VPS13D: variants seen among roughly 807,000 people sequenced by gnomAD.
VPS13D encodes vacuolar protein sorting 13 homolog D.
A neutral mutation model predicts 461.9 loss-of-function variants in VPS13D; 187 were observed. That is an observed-to-expected ratio of 0.40 (90% CI 0.36 to 0.46). The LOEUF is 0.46. Among genes scored for constraint, VPS13D ranks in the 20% least tolerant of loss-of-function variants. VPS13D has a pLI of 0.60. For missense variants in VPS13D, 4,711 were observed against 5,364.9 expected (o/e 0.88, Z 3.81); for synonymous variants, 1,951 against 1,986.3 (o/e 0.98, Z 0.47).
At chr1:12,347,623 C>G (rs977507851) in intron 44 of VPS13D, among the ~76,000 whole-genome samples, 1 of 152,126 alleles carries the variant, frequency 6.6e-6, no homozygotes, top group Non-Finnish European at 1.5e-5. Flanking sequence ...GTTTGGACTT[C>G]CTAGAAGTCT....
chr1:12,411,054 A>G (rs1480398347), intron 63 of VPS13D, among the ~76,000 whole-genome samples: 1 of 152,238 alleles, frequency 6.6e-6, no homozygotes, highest in Non-Finnish European at 1.5e-5. Flanking sequence ...TAAAGGAAAG[A>G]TACCCATTAT....
At chr1:12,376,544 C>T (rs1476700742) in intron 55 of VPS13D, among the ~76,000 whole-genome samples, 2 of 152,198 alleles carry the variant, frequency 1.3e-5, no homozygotes, top group Non-Finnish European at 2.9e-5. Context: ...CAATTTTTCT[C>T]GTTGACAGAT....
chr1:12,283,158 A>T lies in VPS13D; in HGVS notation c.5056A>T (p.Lys1686Ter), dbSNP rs1235064266. ...GGAGAAGAATCCAGATTCTAAATAT[A>T]AGAACCTGATGGTGTCTCGAGGAGC... Reference protein sequence around the residue: ...LLEKNPDSKYKNLMVSRGAPK... With the variant: ...LLEKNPDSKY Residue 1686 changes from lysine (K) to a stop codon, truncating the protein, a stop_gained, in exon 21 of 70, where the codon AAG (lysine) becomes TAG (stop). Coordinates refer to ENST00000620676, the MANE Select transcript of VPS13D (RefSeq NM_015378.4). LOFTEE classifies it high-confidence loss of function. 6.2e-7 allele frequency: 1 copy of T among 1,614,178 alleles called. No individual in the cohort carries two copies. The highest frequency in any genetic ancestry group is 1.7e-5 in the Admixed American group (1 of 60,020).
rs1326735529 is a variant in VPS13D at position 12,473,236 on chromosome 1, C to T, written c.12662+12840C>T. On this transcript the variant is annotated intron_variant, in intron 67 of 69. Coordinates refer to ENST00000620676, the MANE Select transcript of VPS13D (RefSeq NM_015378.4). The surrounding 1 kb of genome is among the most constrained non-coding windows in gnomAD (Gnocchi z 4.2). ...TCTTGACACTCCAAGGGCAAGAGGT[C>T]TTTCTTCAAAGAGAAGCGCTTGTTT... Among the ~76,000 whole-genome samples, 1 of 152,110 alleles carries T rather than the reference C, an allele frequency of 6.6e-6. No individual in the cohort carries two copies. Among genetic ancestry groups the T allele is most frequent in the Non-Finnish European group, 1.5e-5 (1 of 68,028 alleles).
chr1:12,266,003 T>A (rs570925872), intron 13 of VPS13D, among the ~76,000 whole-genome samples: 15 of 149,652 alleles, frequency 1.0e-4, no homozygotes, highest in African/African-American at 3.7e-4. Context: ...TACTAAAAAT[T>A]AAAAAAAAAA....
At chr1:12,407,146 T>C (rs1390292301) in intron 63 of VPS13D, 1 of 152,218 alleles carries the variant, frequency 6.6e-6, no homozygotes, top group Non-Finnish European at 1.5e-5. Flanking sequence ...GAGGGAAATA[T>C]CCCTGTAGTT....
chr1:12,290,258 A>G (rs896419817), intron 22 of VPS13D, among the ~76,000 whole-genome samples: 6 of 152,156 alleles, frequency 3.9e-5, no homozygotes, highest in African/African-American at 1.2e-4. Flanking sequence ...ATTAAATCAT[A>G]CTAAAACATG....
At chr1:12,433,978 A>C (rs1178664393) in intron 65 of VPS13D, among the ~76,000 whole-genome samples, 2 of 145,486 alleles carry the variant, frequency 1.4e-5, no homozygotes, top group Non-Finnish European at 3.0e-5. Context: ...GTGGAGGAGG[A>C]GGAGGAGGAA....
intron 3 of VPS13D, among the ~76,000 whole-genome samples, chr1:12,243,390 C>G (rs1640443693): frequency 6.6e-6 from 1 of 152,208 alleles, no homozygotes; most frequent in South Asian, 2.1e-4. Flanking sequence ...TCAGCTTCCC[C>G]AGCTATTAGT....
At position 12,448,523 on chromosome 1, in the gene VPS13D, C is replaced by T. The variant is rs187098346; in HGVS notation, c.12334-7475C>T. ...TGGCATTTTCAACATAAGCATACCC[C>T]CCTTCTGCCAAAAAGTCCTACACTG... On this transcript the variant is annotated intron_variant, in intron 65 of 69. Coordinates refer to ENST00000620676, the MANE Select transcript of VPS13D (RefSeq NM_015378.4). Among the ~76,000 whole-genome samples, 12 of 152,232 alleles carry T rather than the reference C, an allele frequency of 7.9e-5. No homozygotes were observed. In the East Asian group the frequency reaches 2.3e-3, roughly 29 times the overall value.
intron 67 of VPS13D, among the ~76,000 whole-genome samples, chr1:12,469,324 CTAA>C (rs1557459118): frequency 3.3e-5 from 5 of 152,262 alleles, no homozygotes; most frequent in African/African-American, 1.2e-4. Context: ...ATAGTATTCT[CTAA>C]TGAGTATACA....
At chr1:12,306,980 G>A (rs995108685) in intron 26 of VPS13D, among the ~76,000 whole-genome samples, 1 of 152,166 alleles carries the variant, frequency 6.6e-6, no homozygotes, top group African/African-American at 2.4e-5. Flanking sequence ...GTGGCCTGGG[G>A]ATTTGGGACC....
At chr1:12,364,666 GC>G (rs563770171) in intron 52 of VPS13D, among the ~76,000 whole-genome samples, 8 of 152,156 alleles carry the variant, frequency 5.3e-5, no homozygotes, top group Non-Finnish European at 7.3e-5. Flanking sequence ...TTTGACACAA[GC>G]CTTAAGTGAT....
rs777278757 is a variant in VPS13D, at chr1:12,349,277, G to C, written c.9334G>C (p.Ala3112Pro). The C allele has an allele frequency of 6.2e-7, 1 of 1,614,012 alleles. No homozygotes were observed. Among genetic ancestry groups the C allele is most frequent in the Admixed American group, 1.7e-5 (1 of 59,988 alleles). Residue 3112 changes from alanine (A) to proline (P), a missense_variant, in exon 46 of 70, where the codon GCT becomes CCT. Coordinates refer to ENST00000620676, the MANE Select transcript of VPS13D (RefSeq NM_015378.4). ...PKGLGVFFCK[A>P]PIHWTNVVKT... Reference sequence around the variant, plus strand: ...AGGATTGGGTGTATTTTTCTGTAAGGCTCCCATTCATTGGACCAATGTAGT... The same window carrying C: ...AGGATTGGGTGTATTTTTCTGTAAGCCTCCCATTCATTGGACCAATGTAGT...
chr1:12,352,175 C>T (rs947383267), intron 46 of VPS13D, among the ~76,000 whole-genome samples: 2 of 151,876 alleles, frequency 1.3e-5, no homozygotes, highest in Non-Finnish European at 2.9e-5. Flanking sequence ...CCTGTAATCC[C>T]AGCTACTCCA....
At chr1:12,430,119 T>C (rs1305271938) in intron 65 of VPS13D, among the ~76,000 whole-genome samples, 1 of 152,188 alleles carries the variant, frequency 6.6e-6, no homozygotes, top group Non-Finnish European at 1.5e-5. Context: ...ATTGTGGCCA[T>C]TGAGGTAATT....
In VPS13D at chr1:12,507,117, C is replaced by T; in HGVS notation, c.13035+24C>T. ...TGGTGAGTGCCTGGCTGTTCTCAGGCTCCTGAGGGGCGGGGCCAGGGCCTC... is the reference window on the plus strand; with the variant it reads ...TGGTGAGTGCCTGGCTGTTCTCAGGTTCCTGAGGGGCGGGGCCAGGGCCTC... On this transcript the variant is annotated intron_variant, in intron 69 of 69. Coordinates refer to ENST00000620676, the MANE Select transcript of VPS13D (RefSeq NM_015378.4). This position sits in a 1 kb window ranked among gnomAD's most constrained non-coding sequence, Gnocchi z 5.3. The T allele has an allele frequency of 6.2e-7, 1 of 1,613,338 alleles. No homozygotes were observed. Among genetic ancestry groups the T allele is most frequent in the Non-Finnish European group, 8.5e-7 (1 of 1,179,508 alleles).
In VPS13D at chr1:12,306,433, C is replaced by T. The variant is rs372454358; in HGVS notation, c.6439+1705C>T. On this transcript the variant is annotated intron_variant, in intron 26 of 69. Transcript: ENST00000620676. ...GAGGGGGCTGCACCTGAGGGCCACT[C>T]GGCATATGGTGCTTGCCGCCACTGA... Among the ~76,000 whole-genome samples, 115 of 152,300 alleles carry T rather than the reference C, an allele frequency of 7.6e-4. 3 individuals carry two copies. Among genetic ancestry groups the T allele is most frequent in the South Asian group, 2.3e-3 (11 of 4,828 alleles).
At chr1:12,348,527 G>A (rs1386208838) in intron 44 of VPS13D, among the ~76,000 whole-genome samples, 1 of 152,128 alleles carries the variant, frequency 6.6e-6, no homozygotes, top group African/African-American at 2.4e-5. Context: ...TCAGGTGAAT[G>A]TTTTTAATAA....
Sources: gnomAD v4.1 joint callset for allele counts (sites outside exome capture counted in the v4.1 genomes callset) on GRCh38, gnomAD v4.1.1 for gene constraint, Gnocchi (gnomAD v3.1) non-coding constraint, MANE v1.5 for transcripts, NCBI Gene and HGNC (gene_info 2026-07-23, HGNC 2026-07-21) for gene names.